SP140L: variants seen among roughly 807,000 people sequenced by gnomAD.
The protein encoded by SP140L is nuclear body protein SP140-like protein.
A neutral mutation model predicts 84.3 loss-of-function variants in SP140L; 64 were observed. The observed-to-expected ratio is 0.76, with a 90% confidence interval of 0.62 to 0.94. The LOEUF is 0.94. Among genes scored for constraint, SP140L ranks in the 40% least tolerant of loss-of-function variants. SP140L has a pLI of 0.00. For synonymous variants in SP140L, 242 were observed against 236.9 expected (o/e 1.02, Z -0.20); for missense variants, 628 against 692.5 (o/e 0.91, Z 1.05).
At chr2:230,328,724 T>C in intron 1 of SP140L, 33 bp from the exon 2 acceptor site, 1 of 1,606,446 alleles carries the variant, frequency 6.2e-7, no homozygotes, top group Non-Finnish European at 8.5e-7. Flanking sequence ...TGTTATTTAC[T>C]TGTTTATAGA....
chr2:230,337,243 A>G (rs1387722235), intron 2 of SP140L, among the ~76,000 whole-genome samples: 1 of 152,094 alleles, frequency 6.6e-6, no homozygotes, highest in African/African-American at 2.4e-5. Context: ...TCTGATGGCC[A>G]GTGATGATGA....
At chr2:230,348,626 GA>G (rs1243262496) in intron 2 of SP140L, among the ~76,000 whole-genome samples, 2 of 152,196 alleles carry the variant, frequency 1.3e-5, no homozygotes, top group Non-Finnish European at 2.9e-5. Flanking sequence ...GTAGTTTATT[GA>G]AAATATAATT....
At chr2:230,379,332 A>G (rs1463909243) in intron 7 of SP140L, among the ~76,000 whole-genome samples, 4 of 152,108 alleles carry the variant, frequency 2.6e-5, no homozygotes, top group East Asian at 3.9e-4. Context: ...ATAAAATTCT[A>G]TATTCTCCCT....
At chr2:230,358,733 A>G (rs1467201115) in intron 3 of SP140L, among the ~76,000 whole-genome samples, 6 of 152,188 alleles carry the variant, frequency 3.9e-5, no homozygotes, top group Non-Finnish European at 1.5e-5. Context: ...TCCTTTTTAC[A>G]TCTAATGTAA....
chr2:230,398,144 C>T (rs2062137752), intron 14 of SP140L, among the ~76,000 whole-genome samples: 1 of 152,124 alleles, frequency 6.6e-6, no homozygotes, highest in Non-Finnish European at 1.5e-5. Context: ...TCAATCTGGA[C>T]TATGTATGAC....
Position 230,389,908 on chromosome 2 carries a change from C to T in SP140L, c.860-11C>T, listed in dbSNP as rs567608807. On this transcript the variant is annotated splice_polypyrimidine_tract_variant and intron_variant, in intron 10 of 18. Coordinates refer to ENST00000415673, the MANE Select transcript of SP140L (RefSeq NM_138402.6). ...CAAAGTGAGACAGAATGAAGAAATC[C>T]TCTCTTTCAGCTTCAAGAAAGCACA... 6 of 1,612,916 alleles carry T rather than the reference C, an allele frequency of 3.7e-6. No homozygotes were observed. The highest frequency in any genetic ancestry group is 1.7e-5 in the Admixed American group (1 of 59,944).
At chr2:230,373,344 C>A (rs546382790) in intron 7 of SP140L, among the ~76,000 whole-genome samples, 2 of 152,180 alleles carry the variant, frequency 1.3e-5, no homozygotes, top group Non-Finnish European at 2.9e-5. Flanking sequence ...GAAGTCAATG[C>A]CTGGATTCAA....
At chr2:230,382,113 G>A (rs1324066178) in intron 7 of SP140L, among the ~76,000 whole-genome samples, 4 of 152,138 alleles carry the variant, frequency 2.6e-5, no homozygotes, top group Non-Finnish European at 4.4e-5. Context: ...CTTGAGGACA[G>A]TCTGTCCAAT....
chr2:230,403,088 G>A lies in SP140L; in HGVS notation c.*192G>A, dbSNP rs889069595. On this transcript the variant is annotated 3_prime_UTR_variant, in exon 19 of 19. Transcript: ENST00000415673. The stretch of plus-strand genomic sequence containing the variant: ...CATCCCCAAGAATCTCATCAACCAG[G>A]GAAGAGGAACTGAGATCACAGGGAA... The A allele has an allele frequency of 1.9e-6, 1 of 535,146 alleles. No homozygotes were observed. The highest frequency in any genetic ancestry group is 2.0e-5 in the African/African-American group (1 of 51,116). The allele number at this position is 535,146 out of a possible 1,614,324, so 33.1% of individuals were successfully genotyped here. A position where few individuals can be genotyped will look rare whatever the true frequency, so the allele number is the denominator to read the frequency against.
intron 10 of SP140L, 105 bp from the exon 11 acceptor site, chr2:230,389,814 T>C: frequency 1.8e-6 from 2 of 1,095,636 alleles, no homozygotes; most frequent in Non-Finnish European, 2.7e-6. Flanking sequence ...ATTTATGGAA[T>C]AGAATTTCCT....
rs377721934 is a variant in SP140L, at chr2:230,327,965, C to G, written c.32+664C>G. ...TTTTATTTTTACTTCAATTTCCTGT[C>G]CCAAGATGGGGGATGCCTCTGACCA... On this transcript the variant is annotated intron_variant, in intron 1 of 18. Transcript: ENST00000415673. Among the ~76,000 whole-genome samples, 165 of 152,278 alleles carry G rather than the reference C, an allele frequency of 1.1e-3. 1 individual carries two copies. The highest frequency in any genetic ancestry group is 3.6e-3 in the African/African-American group (148 of 41,536).
intron 2 of SP140L, among the ~76,000 whole-genome samples, chr2:230,336,206 T>C (rs1559403511): frequency 6.6e-6 from 1 of 152,212 alleles, no homozygotes. Context: ...CTTATAGTAA[T>C]AGGGGCATAA....
At chr2:230,332,352 G>A (rs1284814221) in intron 2 of SP140L, among the ~76,000 whole-genome samples, 1 of 152,128 alleles carries the variant, frequency 6.6e-6, no homozygotes, top group East Asian at 1.9e-4. Context: ...TTTCCCAGAT[G>A]GATTATCTTT....
rs1373786273 is a variant in SP140L, at chr2:230,328,785, G to A, written c.61G>A (p.Ala21Thr). The change falls in exon 2 of 19, where the codon GCA becomes ACA. Residue 21 changes from alanine to threonine, a missense_variant. Physicochemically the swap from Ala to Thr is moderately conservative, Grantham distance 58 (BLOSUM62 0). Around this residue, in one of 4 missense-constraint regions of SP140L, gnomAD observed 525 missense variants for 518.4 expected, o/e 1.01. Coordinates refer to ENST00000415673, the MANE Select transcript of SP140L (RefSeq NM_138402.6). ...RGLNGGVSQV[A>T]NEMNHLPAHS... is the part of the protein sequence containing the mutation. The stretch of plus-strand genomic sequence containing the variant: ...GCTGAACGGAGGTGTTTCACAAGTA[G>A]CAAATGAGATGAACCATCTTCCTGC... The A allele has an allele frequency of 3.7e-6, 6 of 1,612,742 alleles. No homozygotes were observed. The African/African-American group carries it at 6.7e-5, about 18-fold the overall frequency.
At chr2:230,376,558 T>G (rs551411382) in intron 7 of SP140L, among the ~76,000 whole-genome samples, 1 of 152,196 alleles carries the variant, frequency 6.6e-6, no homozygotes, top group African/African-American at 2.4e-5. Context: ...ACTATGACAC[T>G]GATGAAAGAA....
chr2:230,360,453 G>A (rs1559426220), intron 4 of SP140L, among the ~76,000 whole-genome samples: 1 of 152,174 alleles, frequency 6.6e-6, no homozygotes, highest in Non-Finnish European at 1.5e-5. Flanking sequence ...ACAATATCTA[G>A]ATTAAAAATA....
intron 7 of SP140L, 96 bp from the exon 8 acceptor site, chr2:230,383,414 A>G: frequency 7.4e-7 from 1 of 1,347,688 alleles, no homozygotes; most frequent in Non-Finnish European, 1.0e-6. Flanking sequence ...CCTGTGGACC[A>G]AAGTATGAAA....
chr2:230,342,026 C>G (rs900300142), intron 2 of SP140L: 2 of 155,572 alleles, frequency 1.3e-5, no homozygotes, highest in African/African-American at 2.4e-5. Context: ...CCACCCAGTT[C>G]GCGCTTCCCG....
chr2:230,384,289 C>T (rs1050489620), intron 8 of SP140L, among the ~76,000 whole-genome samples: 1 of 152,180 alleles, frequency 6.6e-6, no homozygotes, highest in Non-Finnish European at 1.5e-5. Flanking sequence ...CTGGAGACAG[C>T]CATCCTCATC....
Sources: allele counts gnomAD v4.1 joint callset (sites outside exome capture counted in the v4.1 genomes callset), GRCh38; gene constraint gnomAD v4.1.1; regional missense constraint gnomAD v4.1.1; transcripts MANE v1.5; gene names NCBI Gene and HGNC (gene_info 2026-07-23, HGNC 2026-07-21).